The following PPFIA2 variants were observed in gnomAD, a reference collection of about 807,000 sequenced individuals.
PPFIA2 encodes the protein liprin-alpha-2.
In PPFIA2, 46 loss-of-function variants were observed where a neutral mutation model predicts 175.5. That is an observed-to-expected ratio of 0.26 (90% confidence interval 0.21 to 0.34). PPFIA2 has a LOEUF of 0.34. Ranked by LOEUF, PPFIA2 falls within the 10% of genes least tolerant of loss-of-function variation. PPFIA2 has a pLI of 1.00. For missense variants in PPFIA2, 1,179 were observed against 1,506.1 expected (o/e 0.78, Z 3.60); for synonymous variants, 568 against 511.4 (o/e 1.11, Z -1.49).
At chr12:81,618,629 C>T (rs549213170) in intron 4 of PPFIA2, among the ~76,000 whole-genome samples, 33 of 149,532 alleles carry the variant, frequency 2.2e-4, no homozygotes, top group African/African-American at 7.6e-4. Flanking sequence ...CCCAGGTTCA[C>T]GCCATTCTCC....
At chr12:81,544,586 T>C (rs1393318375) in intron 4 of PPFIA2, among the ~76,000 whole-genome samples, 1 of 152,166 alleles carries the variant, frequency 6.6e-6, no homozygotes, top group Non-Finnish European at 1.5e-5. Flanking sequence ...TATAATTATG[T>C]AATTATTCCA....
intron 22 of PPFIA2, among the ~76,000 whole-genome samples, chr12:81,320,492 A>G (rs2053429642): frequency 6.6e-6 from 1 of 152,062 alleles, no homozygotes; most frequent in African/African-American, 2.4e-5. Context: ...TTAACCATTC[A>G]GAATACATAG....
At chr12:81,273,577 A>C (rs2039723699) in intron 28 of PPFIA2, among the ~76,000 whole-genome samples, 1 of 152,032 alleles carries the variant, frequency 6.6e-6, no homozygotes, top group African/African-American at 2.4e-5. Context: ...AAGTTCTTCA[A>C]ATTAGTTGGT....
intron 4 of PPFIA2, among the ~76,000 whole-genome samples, chr12:81,649,492 C>T (rs1003533799): frequency 2.0e-5 from 3 of 152,062 alleles, no homozygotes; most frequent in Admixed American, 6.6e-5. Context: ...TTCATTTTGG[C>T]AAATGTATGC....
At chr12:81,485,101 G>A (rs2058670924) in intron 4 of PPFIA2, among the ~76,000 whole-genome samples, 1 of 151,796 alleles carries the variant, frequency 6.6e-6, no homozygotes, top group Non-Finnish European at 1.5e-5. Flanking sequence ...TCACTAGCTT[G>A]AGCTATATTT....
At chr12:81,585,164 T>C (rs1373211348) in intron 4 of PPFIA2, among the ~76,000 whole-genome samples, 2 of 147,940 alleles carry the variant, frequency 1.4e-5, no homozygotes, top group African/African-American at 2.5e-5. Context: ...TTACCATAAA[T>C]GGAGCTTGCA....
chr12:81,458,265 CA>C (rs1481647627), intron 4 of PPFIA2, among the ~76,000 whole-genome samples: 2 of 151,254 alleles, frequency 1.3e-5, no homozygotes, highest in Non-Finnish European at 2.9e-5. Flanking sequence ...AGAACAACCG[CA>C]AAAAACCCTG....
intron 7 of PPFIA2, among the ~76,000 whole-genome samples, chr12:81,414,223 A>G (rs1215664555): frequency 6.6e-6 from 1 of 151,770 alleles, no homozygotes; most frequent in East Asian, 1.9e-4. Flanking sequence ...GAAATGATTC[A>G]TTGCATACAC....
intron 6 of PPFIA2, 113 bp downstream of exon 6, chr12:81,445,443 G>A (rs2051079689): frequency 2.1e-6 from 2 of 935,326 alleles, no homozygotes; most frequent in Non-Finnish European, 3.2e-6. Context: ...TAACTCAAAA[G>A]TGTTCCTCAA....
chr12:81,578,422 A>C (rs1243177043), intron 4 of PPFIA2, among the ~76,000 whole-genome samples: 6 of 151,784 alleles, frequency 4.0e-5, no homozygotes, highest in African/African-American at 1.4e-4. Context: ...TCTTTCATAA[A>C]AAATTATCCC....
chr12:81,753,830 A>C, intron 3 of PPFIA2, 143 bp downstream of exon 3: 1 of 1,039,772 alleles, frequency 9.6e-7, no homozygotes, highest in Non-Finnish European at 1.4e-6. Context: ...CAAGTGAACT[A>C]ATCATCTATT....
chr12:81,516,731 T>C lies in PPFIA2; in HGVS notation c.304-58865A>G, dbSNP rs377378933. Among the ~76,000 whole-genome samples the C allele has an allele frequency of 5.9e-5, 9 of 152,322 alleles. No individual in the cohort carries two copies. In the South Asian group the frequency reaches 1.4e-3, roughly 25 times the overall value. On this transcript the variant is annotated intron_variant, in intron 4 of 32. Coordinates refer to ENST00000549396, the MANE Select transcript of PPFIA2 (RefSeq NM_003625.5). Reference sequence around the variant, plus strand: ...TGCAAACACCTTGATTTTAGACTTTTAGCATCCAGACTGTGAGATAACAAA... The same window carrying C: ...TGCAAACACCTTGATTTTAGACTTTCAGCATCCAGACTGTGAGATAACAAA...
rs751855941 is a variant in PPFIA2, at chr12:81,294,988, G to A, written c.2772C>T (p.Asn924=). Residue 924 remains asparagine (N), a synonymous_variant, in exon 24 of 33, where the codon AAC becomes AAT. Coordinates refer to ENST00000549396, the MANE Select transcript of PPFIA2 (RefSeq NM_003625.5). ...PAWYVAACRA[N]VKSGAIMSAL... is the part of the protein sequence containing the mutation. ...CAGACATGATGGCACCACTCTTCAC[G>A]TTGGCTCGGCAGGCTGCCACGTACC... The A allele has an allele frequency of 6.2e-6, 10 of 1,613,620 alleles. No individual in the cohort carries two copies. The highest frequency in any genetic ancestry group is 2.2e-5 in the East Asian group (1 of 44,870).
intron 16 of PPFIA2, among the ~76,000 whole-genome samples, chr12:81,354,359 C>A (rs1003868236): frequency 1.8e-4 from 28 of 152,266 alleles, no homozygotes; most frequent in African/African-American, 6.7e-4. Flanking sequence ...ATTTTATATC[C>A]TTTGTTGTCA....
At chr12:81,290,051 T>C (rs1249389658) in intron 24 of PPFIA2, among the ~76,000 whole-genome samples, 1 of 151,542 alleles carries the variant, frequency 6.6e-6, no homozygotes, top group Non-Finnish European at 1.5e-5. Flanking sequence ...CTGAATCAAA[T>C]AAAGTAGTAG....
intron 4 of PPFIA2, among the ~76,000 whole-genome samples, chr12:81,663,676 TG>T (rs2069445459): frequency 6.6e-6 from 1 of 152,154 alleles, no homozygotes; most frequent in Non-Finnish European, 1.5e-5. Flanking sequence ...TTCACAGAAT[TG>T]GAAAAAACCA....
intron 7 of PPFIA2, among the ~76,000 whole-genome samples, chr12:81,409,633 T>TA (rs1390902156): frequency 6.6e-6 from 1 of 152,088 alleles, no homozygotes; most frequent in Non-Finnish European, 1.5e-5. Context: ...CTTTCAGAAA[T>TA]AAATTTATTT....
chr12:81,732,582 C>T (rs2081063061), intron 3 of PPFIA2, among the ~76,000 whole-genome samples: 1 of 148,454 alleles, frequency 6.7e-6, no homozygotes, highest in Non-Finnish European at 1.5e-5. Context: ...ATGTGTATTT[C>T]TTACATATAC....
intron 4 of PPFIA2, among the ~76,000 whole-genome samples, chr12:81,556,814 C>T (rs1400828737): frequency 6.6e-6 from 1 of 151,820 alleles, no homozygotes; most frequent in Admixed American, 6.6e-5. Context: ...TGAAATTCAC[C>T]ATCAATCTAA....
Sources: gnomAD v4.1 joint callset for allele counts (sites outside exome capture counted in the v4.1 genomes callset) on GRCh38, gnomAD v4.1.1 for gene constraint, MANE v1.5 for transcripts, NCBI Gene and HGNC (gene_info 2026-07-23, HGNC 2026-07-21) for gene names.